The following TET1 variants were observed in gnomAD, a reference collection of about 807,000 sequenced individuals.
The protein encoded by TET1 is tet methylcytosine dioxygenase 1, also known as methylcytosine dioxygenase TET1.
A neutral mutation model predicts 148.7 loss-of-function variants in TET1; 13 were observed. That is an observed-to-expected ratio of 0.09 (90% CI 0.06 to 0.14). The LOEUF is 0.14. Among genes scored for constraint, TET1 ranks in the 10% least tolerant of loss-of-function variants. The pLI is 1.00. For synonymous variants in TET1, 907 were observed against 937.2 expected (o/e 0.97, Z 0.59); for missense variants, 2,182 against 2,553.8 (o/e 0.85, Z 3.14).
intron 3 of TET1, among the ~76,000 whole-genome samples, chr10:68,639,634 A>G (rs761775995): frequency 7.2e-5 from 11 of 151,998 alleles, no homozygotes; most frequent in Non-Finnish European, 1.3e-4. Flanking sequence ...ACGCTTGGCT[A>G]ATTTTTAGTA....
chr10:68,584,094 C>T (rs376993422), intron 2 of TET1, among the ~76,000 whole-genome samples: 12 of 149,768 alleles, frequency 8.0e-5, no homozygotes, highest in South Asian at 4.4e-4. Context: ...GGCTAGAATG[C>T]GGTGGCGCGA....
rs1304378982 is a variant in TET1, at chr10:68,645,435, A to G, written c.2706A>G (p.Glu902=). ...TAGAGGCCCTGACTCAACTCTCAGA[A>G]GCCCCATCAGAGAATTCCTCCCCAT... ...VAIEALTQLS[E]APSENSSPSK... The change falls in exon 4 of 12, where the codon GAA becomes GAG. Residue 902 remains glutamate, a synonymous_variant. Transcript: ENST00000373644. 6.2e-7 allele frequency: 1 copy of G among 1,613,906 alleles called. No individual in the cohort carries two copies. Among genetic ancestry groups the G allele is most frequent in the East Asian group, 2.2e-5 (1 of 44,900 alleles).
intron 1 of TET1, among the ~76,000 whole-genome samples, chr10:68,561,363 C>G (rs1158683054): frequency 1.3e-5 from 2 of 152,006 alleles, no homozygotes; most frequent in African/African-American, 4.8e-5. Flanking sequence ...GGAGTGGAGG[C>G]AGTGGTGCAG....
rs1449953781 is a variant in TET1, at chr10:68,572,225, C to T, written c.-114C>T. 1.1e-5 allele frequency: 10 copies of T among 874,604 alleles called. No homozygotes were observed. Among genetic ancestry groups the T allele is most frequent in the African/African-American group, 3.4e-5 (2 of 58,458 alleles). 54.2% of individuals were successfully genotyped at this position (874,604 alleles called of 1,614,324 possible). ...TTCTGTTGTTATTTCAGACCAAAAC[C>T]TTGTGTGACTGAGCTGAAGAGCAGT... On this transcript the variant is annotated 5_prime_UTR_variant, in exon 2 of 12. Coordinates refer to ENST00000373644, the MANE Select transcript of TET1 (RefSeq NM_030625.3).
chr10:68,682,907 T>C lies in TET1; in HGVS notation c.4986T>C (p.Thr1662=), dbSNP rs545612943. The C allele has an allele frequency of 5.0e-6, 8 of 1,614,126 alleles. No individual in the cohort carries two copies. The East Asian group carries it at 1.6e-4, about 31-fold the overall frequency. Residue 1662 remains threonine, a synonymous_variant, in exon 10 of 12, where the codon ACT becomes ACC. Coordinates refer to ENST00000373644, the MANE Select transcript of TET1 (RefSeq NM_030625.3). The part of the protein sequence containing the change: ...SKEGRPFSGV[T]ACLDFCAHPH... ...AAGGTCGTCCCTTCTCTGGGGTCAC[T>C]GCTTGCCTGGACTTCTGTGCTCATC...
intron 8 of TET1, among the ~76,000 whole-genome samples, chr10:68,673,941 T>C (rs76901363): frequency 0.091 from 13,060 of 143,618 alleles, 819 homozygotes; most frequent in South Asian, 0.17. Context: ...TTTTCTTTTT[T>C]TTTTTTCTTT....
intron 6 of TET1, among the ~76,000 whole-genome samples, chr10:68,658,418 C>T (rs772456075): frequency 5.3e-5 from 8 of 152,064 alleles, no homozygotes; most frequent in Non-Finnish European, 1.2e-4. Flanking sequence ...GGATTACAGG[C>T]GTGAGCCACC....
intron 6 of TET1, among the ~76,000 whole-genome samples, chr10:68,662,437 TTTAC>T (rs1199146113): frequency 6.6e-6 from 1 of 152,178 alleles, no homozygotes; most frequent in African/African-American, 2.4e-5. Flanking sequence ...GTTGGATGTC[TTTAC>T]TTATTATTAA....
At chr10:68,580,799 A>T (rs1323505521) in intron 2 of TET1, among the ~76,000 whole-genome samples, 5,848 of 125,186 alleles carry the variant, frequency 0.047, 118 homozygotes, top group African/African-American at 0.066. Flanking sequence ...AAAAAAAAAA[A>T]AAAAAAATAT....
At chr10:68,649,058 G>A (rs539239418) in intron 4 of TET1, among the ~76,000 whole-genome samples, 19 of 152,312 alleles carry the variant, frequency 1.2e-4, no homozygotes, top group South Asian at 4.1e-4. Context: ...AGAGAAGAAA[G>A]TAATCATCAT....
intron 4 of TET1, among the ~76,000 whole-genome samples, chr10:68,648,262 T>G (rs2054881114): frequency 6.6e-6 from 1 of 152,202 alleles, no homozygotes. Context: ...ATGAGAAATT[T>G]CCTCAGTATT....
intron 3 of TET1, among the ~76,000 whole-genome samples, chr10:68,604,557 G>A (rs2054098719): frequency 6.6e-6 from 1 of 152,140 alleles, no homozygotes; most frequent in Non-Finnish European, 1.5e-5. Context: ...TCAAGTGGGG[G>A]GTGGGTGTGG....
rs1045099947 is a variant in TET1 at position 68,560,343 on chromosome 10, T to A, written c.-522T>A. On this transcript the variant is annotated 5_prime_UTR_variant, in exon 1 of 12. Transcript: ENST00000373644. ...AAGGCAGAGCCCCAGCTTCACTCCC[T>A]GAGGTCTGTCCTGGGGAGACACTGC... 3.3e-5 allele frequency among the ~76,000 whole-genome samples: 5 copies of A among 152,180 alleles called. No individual in the cohort carries two copies. Among genetic ancestry groups the A allele is most frequent in the African/African-American group, 7.2e-5 (3 of 41,462 alleles).
intron 1 of TET1, among the ~76,000 whole-genome samples, chr10:68,562,738 T>A (rs190248878): frequency 6.6e-6 from 1 of 152,218 alleles, no homozygotes. Flanking sequence ...GGGTCTCCAC[T>A]GTCCCTGCCC....
intron 3 of TET1, among the ~76,000 whole-genome samples, chr10:68,608,961 A>G (rs2054167461): frequency 6.6e-6 from 1 of 151,718 alleles, no homozygotes; most frequent in African/African-American, 2.4e-5. Flanking sequence ...AAAGTGTTGG[A>G]ATTACAGGCA....
Position 68,572,416 on chromosome 10 carries a change from A to T in TET1, c.78A>T (p.Gln26His). ...TAAACAAAAAAAAGAAAAACAGCCA[A>T]CTACGAAAGACAACCAAGGGAGCCA... ...EDVNKKKKNS[Q>H]LRKTTKGANK... The change falls in exon 2 of 12, where the codon CAA becomes CAT. Residue 26 changes from glutamine to histidine, a missense_variant. This residue lies in a region of TET1 where 665 missense variants were observed against 672.4 expected (regional missense o/e 0.99). Coordinates refer to ENST00000373644, the MANE Select transcript of TET1 (RefSeq NM_030625.3). 6.2e-7 allele frequency: 1 copy of T among 1,613,516 alleles called. No homozygotes were observed. Among genetic ancestry groups the T allele is most frequent in the Non-Finnish European group, 8.5e-7 (1 of 1,179,898 alleles).
In TET1 at chr10:68,693,671, T is replaced by C. The variant is rs2055620912; in HGVS notation, c.*1857T>C. On this transcript the variant is annotated 3_prime_UTR_variant, in exon 12 of 12. Transcript: ENST00000373644. Reference sequence around the variant, plus strand: ...CCTTAGATTTCCGTTTTAAGACATGTATATTTTTGTGAGCCTAAGGTTTCT... The same window carrying C: ...CCTTAGATTTCCGTTTTAAGACATGCATATTTTTGTGAGCCTAAGGTTTCT... 2 of 232,116 alleles carry C rather than the reference T, an allele frequency of 8.6e-6. No homozygotes were observed. The highest frequency in any genetic ancestry group is 1.7e-5 in the Non-Finnish European group (2 of 117,482). 14.4% of individuals were successfully genotyped at this position (232,116 alleles called of 1,614,324 possible). A position where few individuals can be genotyped will look rare whatever the true frequency, so the allele number is the denominator to read the frequency against.
chr10:68,628,190 G>T (rs549882428), intron 3 of TET1, among the ~76,000 whole-genome samples: 2 of 152,242 alleles, frequency 1.3e-5, no homozygotes, highest in South Asian at 4.1e-4. Flanking sequence ...TAGGTGATCC[G>T]CCCGCCTTGG....
At chr10:68,596,007 C>T (rs2053982820) in intron 2 of TET1, among the ~76,000 whole-genome samples, 2 of 102,238 alleles carry the variant, frequency 2.0e-5, no homozygotes, top group African/African-American at 7.6e-5. Flanking sequence ...CACACACACA[C>T]ACACACACAC....
Sources: gnomAD v4.1 joint callset for allele counts (sites outside exome capture counted in the v4.1 genomes callset) on GRCh38, gnomAD v4.1.1 for gene constraint, gnomAD v4.1.1 regional missense constraint, MANE v1.5 for transcripts, NCBI Gene and HGNC (gene_info 2026-07-23, HGNC 2026-07-21) for gene names.